PDK1: variants seen among roughly 807,000 people sequenced by gnomAD.
PDK1 encodes pyruvate dehydrogenase kinase 1, also known as [Pyruvate dehydrogenase (acetyl-transferring)] kinase isozyme 1, mitochondrial.
Under a neutral mutation model 54.2 loss-of-function variants are expected in PDK1, and 39 were observed. The observed-to-expected ratio is 0.72, with a 90% CI of 0.56 to 0.94. The LOEUF (loss-of-function observed/expected upper bound fraction) is 0.94. Among genes scored for constraint, PDK1 ranks in the 40% least tolerant of loss-of-function variants. PDK1 has a pLI of 0.00. For synonymous variants in PDK1, 221 were observed against 207.1 expected, an observed-to-expected ratio of 1.07 and a Z score of -0.58; for missense variants, 552 against 566.0, an observed-to-expected ratio of 0.98 and a Z score of 0.25.
the PDK1 span, among the ~76,000 whole-genome samples, chr2:172,643,228 AC>A: frequency 6.6e-6 from 1 of 152,154 alleles, no homozygotes; most frequent in African/African-American, 2.4e-5. Context: ...TGAAAAGGTG[AC>A]TGTTAGCTAT....
chr2:172,653,487 T>C, the PDK1 span, among the ~76,000 whole-genome samples: 19,906 of 151,890 alleles, frequency 0.13, 2,253 homozygotes, highest in East Asian at 0.53. Flanking sequence ...CCTGTAATCC[T>C]GGCTACTTGG....
Position 172,606,723 on chromosome 2 carries a change from T to G in PDK1, c.*10754T>G, listed in dbSNP as rs1471106099. On this transcript the variant is annotated 3_prime_UTR_variant, in exon 11 of 11. Transcript: ENST00000282077. Reference sequence around the variant, plus strand: ...GAGAGAATGGTGGTAGTTTATTTTTTCTTTCCTTTTTTTTTTAAAAAAAAA... The same window carrying G: ...GAGAGAATGGTGGTAGTTTATTTTTGCTTTCCTTTTTTTTTTAAAAAAAAA... 1 of 147,886 alleles carries G rather than the reference T, an allele frequency of 6.8e-6. No individual in the cohort carries two copies. The highest frequency in any genetic ancestry group is 1.5e-5 in the Non-Finnish European group (1 of 67,438). The allele number at this position is 147,886 out of a possible 1,614,324, so 9.2% of individuals were successfully genotyped here.
rs760923493 is a variant in PDK1 at position 172,592,950 on chromosome 2, G to T, written c.1072G>T (p.Gly358Ter). 18 of 1,609,078 alleles carry T rather than the reference G, an allele frequency of 1.1e-5. No individual in the cohort carries two copies. The East Asian group carries it at 4.0e-4, about 36-fold the overall frequency. The change falls in exon 10 of 11, where the codon GGA becomes TGA. Residue 358 changes from glycine to a stop codon, truncating the protein, a stop_gained. Transcript: ENST00000282077. LOFTEE classifies it high-confidence loss of function. ...CATCAAACAGGCTGGTTTTGGTTAT[G>T]GATTGCCCATATCACGTCTTTACGC... ...RAVPLAGFGY[G>*]LPISRLYAQY...
In PDK1 at chr2:172,576,437, A is replaced by G. The variant is rs1280504962; in HGVS notation, c.945+5613A>G. On this transcript the variant is annotated intron_variant, in intron 8 of 10. Transcript: ENST00000282077. ...ACTTATCAATTTTGTTAATCTTTCT[A>G]AAGAACCAATTTTTTATTTCATTGA... Among the ~76,000 whole-genome samples the G allele has an allele frequency of 2.0e-5, 3 of 151,396 alleles. No individual in the cohort carries two copies. In the East Asian group the frequency reaches 5.9e-4, roughly 30 times the overall value.
chr2:172,717,386 G>T, the PDK1 span, among the ~76,000 whole-genome samples: 1 of 152,186 alleles, frequency 6.6e-6, no homozygotes, highest in East Asian at 1.9e-4. Flanking sequence ...CAGAAACAGT[G>T]AAATAATAAA....
chr2:172,689,133 A>G, the PDK1 span, among the ~76,000 whole-genome samples: 2 of 152,138 alleles, frequency 1.3e-5, no homozygotes, highest in Admixed American at 6.5e-5. Flanking sequence ...GGTCCATTTT[A>G]CAGAGCGCTG....
At chr2:172,693,526 G>C in the PDK1 span, among the ~76,000 whole-genome samples, 1 of 152,188 alleles carries the variant, frequency 6.6e-6, no homozygotes, top group Admixed American at 6.5e-5. Context: ...TGCTTAGAAG[G>C]TACCTGGTAC....
At chr2:172,562,585 C>T (rs1324743988) in intron 3 of PDK1, among the ~76,000 whole-genome samples, 2 of 152,372 alleles carry the variant, frequency 1.3e-5, no homozygotes, top group South Asian at 2.1e-4. Flanking sequence ...TGGACAACCA[C>T]CTTCAGCCCC....
chr2:172,703,689 A>T, the PDK1 span, among the ~76,000 whole-genome samples: 1 of 149,854 alleles, frequency 6.7e-6, no homozygotes, highest in Non-Finnish European at 1.5e-5. Context: ...CTGACTTCTA[A>T]CTCCTCACAC....
At chr2:172,645,717 A>G in the PDK1 span, among the ~76,000 whole-genome samples, 2 of 152,230 alleles carry the variant, frequency 1.3e-5, no homozygotes, top group African/African-American at 4.8e-5. Context: ...TGTTGTCATC[A>G]TAGCCATAGA....
the PDK1 span, among the ~76,000 whole-genome samples, chr2:172,642,420 A>G: frequency 5.3e-5 from 8 of 152,160 alleles, no homozygotes; most frequent in African/African-American, 1.7e-4. Flanking sequence ...TGGCTGTGAA[A>G]ACCCTAAGGC....
the PDK1 span, chr2:172,691,198 A>G: frequency 6.7e-6 from 1 of 150,160 alleles, no homozygotes; most frequent in African/African-American, 2.4e-5. Flanking sequence ...TTCTGCCCCC[A>G]TATATGCATA....
At position 172,570,791 on chromosome 2, in the gene PDK1, T is replaced by C. The variant is rs780267700; in HGVS notation, c.912T>C (p.His304=). Residue 304 remains histidine (H), a synonymous_variant, in exon 8 of 11, where the codon CAT becomes CAC. Coordinates refer to ENST00000282077, the MANE Select transcript of PDK1 (RefSeq NM_002610.5). ...GTGTTTACCCCCCTATTCAAGTTCA[T>C]GTCACGCTGGGTAATGAGGATTTGA... ...NRGVYPPIQV[H]VTLGNEDLTV... The C allele has an allele frequency of 6.2e-7, 1 of 1,610,834 alleles. No individual in the cohort carries two copies. Among genetic ancestry groups the C allele is most frequent in the Non-Finnish European group, 8.5e-7 (1 of 1,177,248 alleles).
chr2:172,723,839 A>G, the PDK1 span: 3 of 152,230 alleles, frequency 2.0e-5, no homozygotes, highest in African/African-American at 4.8e-5. Flanking sequence ...GATGAGCATT[A>G]CACTTAAAGA....
At chr2:172,690,648 A>G in the PDK1 span, among the ~76,000 whole-genome samples, 6 of 150,300 alleles carry the variant, frequency 4.0e-5, 1 homozygote, top group Non-Finnish European at 1.5e-5. Context: ...TGGCACATAT[A>G]CACCATGGAA....
At chr2:172,612,417 G>A (rs1691490560), downstream of PDK1, among the ~76,000 whole-genome samples, 1 of 152,030 alleles carries the variant, frequency 6.6e-6, no homozygotes, top group African/African-American at 2.4e-5. Flanking sequence ...TTAGTAATTA[G>A]TATCACTGTC....
the PDK1 span, among the ~76,000 whole-genome samples, chr2:172,621,707 ATCAAACATGTTATATGTTTATATC>A: frequency 1.4e-5 from 2 of 144,022 alleles, no homozygotes; most frequent in African/African-American, 5.1e-5. Flanking sequence ...ATGTTTATAT[ATCAAACATGTTATATGTTTATATC>A]TCATATATGT....
the PDK1 span, among the ~76,000 whole-genome samples, chr2:172,647,707 G>A: frequency 1.2e-3 from 183 of 152,238 alleles, 1 homozygote; most frequent in African/African-American, 4.0e-3. Flanking sequence ...AAGCTCTACC[G>A]TAATAATTGT....
chr2:172,720,215 A>G, the PDK1 span, among the ~76,000 whole-genome samples: 1 of 148,370 alleles, frequency 6.7e-6, no homozygotes, highest in Non-Finnish European at 1.5e-5. Flanking sequence ...CCTGGATTCA[A>G]GTGATTCTCA....
Sources: gnomAD v4.1 joint callset for allele counts (sites outside exome capture counted in the v4.1 genomes callset) on GRCh38, gnomAD v4.1.1 for gene constraint, MANE v1.5 for transcripts, NCBI Gene and HGNC (gene_info 2026-07-23, HGNC 2026-07-21) for gene names.